Variants in KCNIP4 observed in about 807,000 individuals in gnomAD.
KCNIP4 encodes the protein Kv channel-interacting protein 4.
Under a neutral mutation model 34.0 loss-of-function variants are expected in KCNIP4, and 12 were observed. The observed-to-expected ratio is 0.35, with a 90% CI of 0.23 to 0.57. KCNIP4 has a LOEUF of 0.57. Among genes scored for constraint, KCNIP4 ranks in the 20% least tolerant of loss-of-function variants. The pLI, the probability that KCNIP4 is intolerant of heterozygous loss-of-function variation, is 0.83. For missense variants in KCNIP4, 238 were observed against 311.7 expected, an observed-to-expected ratio of 0.76 and a Z score of 1.78; for synonymous variants, 124 against 102.2, an observed-to-expected ratio of 1.21 and a Z score of -1.29.
chr4:20,905,468 A>G (rs1232952126), intron 1 of KCNIP4, among the ~76,000 whole-genome samples: 1 of 132,710 alleles, frequency 7.5e-6, no homozygotes, highest in East Asian at 2.3e-4. Context: ...TTAAAATATT[A>G]TTGGTATTTA....
Position 20,729,306 on chromosome 4 carries a change from C to A in KCNIP4, c.*776G>T, listed in dbSNP as rs189146202. The A allele has an allele frequency of 1.3e-3, 193 of 151,818 alleles. No homozygotes were observed. The highest frequency in any genetic ancestry group is 1.9e-3 in the Non-Finnish European group (126 of 67,990). 9.4% of individuals were successfully genotyped at this position (151,818 alleles called of 1,614,324 possible). ...TTTTGTTTGATGCCTTCTTCAACTT[C>A]CACTTAATGATTGATACTAATGATT... is the stretch of plus-strand genomic sequence containing the variant. On this transcript the variant is annotated 3_prime_UTR_variant, in exon 9 of 9. Coordinates refer to ENST00000382152, the MANE Select transcript of KCNIP4 (RefSeq NM_025221.6).
At chr4:20,934,752 G>A (rs898174423) in intron 1 of KCNIP4, among the ~76,000 whole-genome samples, 13 of 152,246 alleles carry the variant, frequency 8.5e-5, no homozygotes, top group Middle Eastern at 3.4e-3. Context: ...GTGCTATGTA[G>A]AAAAATAAAG....
chr4:21,108,593 C>A (rs1748815529), intron 1 of KCNIP4, among the ~76,000 whole-genome samples: 1 of 151,824 alleles, frequency 6.6e-6, no homozygotes, highest in South Asian at 2.1e-4. Flanking sequence ...CATCTTCTCT[C>A]AACTTATCAA....
chr4:21,275,969 A>G (rs944256799), intron 1 of KCNIP4, among the ~76,000 whole-genome samples: 2 of 152,102 alleles, frequency 1.3e-5, no homozygotes, highest in African/African-American at 4.8e-5. Flanking sequence ...AAGAATTGCA[A>G]AAAAAAACTC....
At chr4:21,577,366 A>C (rs1315284069) in intron 1 of KCNIP4, among the ~76,000 whole-genome samples, 1 of 152,028 alleles carries the variant, frequency 6.6e-6, no homozygotes, top group Non-Finnish European at 1.5e-5. Context: ...ACTGTGGCTC[A>C]CCCCTGTAAT....
intron 1 of KCNIP4, among the ~76,000 whole-genome samples, chr4:21,253,311 G>C (rs1760847181): frequency 6.6e-6 from 1 of 152,136 alleles, no homozygotes; most frequent in Admixed American, 6.5e-5. Context: ...GGTATAAAAT[G>C]TGGTACCCCC....
intron 3 of KCNIP4, among the ~76,000 whole-genome samples, chr4:20,790,353 A>G (rs531192839): frequency 3.3e-5 from 5 of 152,268 alleles, no homozygotes; most frequent in Admixed American, 3.3e-4. Context: ...TAGAATTTAT[A>G]AGTAGGCTAC....
rs1715746976 is a variant in KCNIP4 at position 21,332,408 on chromosome 4, TCCATCTCA to T, written c.62-449707_62-449700del. Reference sequence around the variant, plus strand: ...CTCCAACAGCATTCCAAGTCTCTTATCCATCTCAATGGATAAGACATGGGACCAGTTAT... The same window carrying T: ...CTCCAACAGCATTCCAAGTCTCTTATATGGATAAGACATGGGACCAGTTAT... On this transcript the variant is annotated intron_variant, in intron 1 of 8. Transcript: ENST00000382152. Among the ~76,000 whole-genome samples, 3 of 152,148 alleles carry T rather than the reference TCCATCTCA, an allele frequency of 2.0e-5. No individual in the cohort carries two copies. In the South Asian group the frequency reaches 6.2e-4, roughly 32 times the overall value.
chr4:21,767,839 C>T (rs1718526934), intron 1 of KCNIP4, among the ~76,000 whole-genome samples: 1 of 151,860 alleles, frequency 6.6e-6, no homozygotes, highest in Non-Finnish European at 1.5e-5. Flanking sequence ...CCAAACTTAC[C>T]ACCGACATAT....
chr4:21,887,527 TG>T (rs935768818), intron 1 of KCNIP4, among the ~76,000 whole-genome samples: 1 of 152,128 alleles, frequency 6.6e-6, no homozygotes, highest in African/African-American at 2.4e-5. Flanking sequence ...CCACATCACC[TG>T]GGGACAGGAT....
At chr4:21,620,416 C>A (rs575038285) in intron 1 of KCNIP4, among the ~76,000 whole-genome samples, 99 of 152,218 alleles carry the variant, frequency 6.5e-4, no homozygotes, top group African/African-American at 2.2e-3. Flanking sequence ...ATGGAAGGAT[C>A]TCTTGAGACT....
In KCNIP4 at chr4:21,483,626, A is replaced by G. The variant is rs191406578; in HGVS notation, c.61+464945T>C. Among the ~76,000 whole-genome samples, 1,199 of 151,882 alleles carry G rather than the reference A, an allele frequency of 7.9e-3. 12 individuals are homozygous for G. The highest frequency in any genetic ancestry group is 0.028 in the African/African-American group (1,154 of 41,390). ...AATATGGTGAAACCCCATCTCTACT[A>G]AAAATAAAAAAAAATTAGCCAGGTG... On this transcript the variant is annotated intron_variant, in intron 1 of 8. Transcript: ENST00000382152.
chr4:21,504,511 G>GGAAT (rs1553893862), intron 1 of KCNIP4, among the ~76,000 whole-genome samples: 5 of 141,236 alleles, frequency 3.5e-5, no homozygotes, highest in Admixed American at 7.1e-5. Context: ...AAGAAAGGAA[G>GGAAT]GAAGGAAGAA....
intron 1 of KCNIP4, among the ~76,000 whole-genome samples, chr4:21,475,336 G>A: frequency 6.6e-6 from 1 of 152,036 alleles, no homozygotes; most frequent in African/African-American, 2.4e-5. Flanking sequence ...GATGAAACTG[G>A]GGCTTAGAGA....
intron 1 of KCNIP4, among the ~76,000 whole-genome samples, chr4:21,795,148 C>A (rs994090794): frequency 6.6e-6 from 1 of 152,044 alleles, no homozygotes; most frequent in African/African-American, 2.4e-5. Context: ...ATGAGGCCAC[C>A]GGGGTGAGCA....
chr4:21,392,220 A>C (rs1279206738), intron 1 of KCNIP4, among the ~76,000 whole-genome samples: 1 of 152,194 alleles, frequency 6.6e-6, no homozygotes, highest in Non-Finnish European at 1.5e-5. Context: ...AAAACAATGC[A>C]ACCCAAATGG....
intron 1 of KCNIP4, among the ~76,000 whole-genome samples, chr4:21,327,650 C>A (rs1016971121): frequency 6.6e-6 from 1 of 152,046 alleles, no homozygotes; most frequent in Admixed American, 6.5e-5. Context: ...AGCTCTCTCT[C>A]TATATCTCCT....
chr4:21,473,572 A>G (rs1355526322), intron 1 of KCNIP4, among the ~76,000 whole-genome samples: 1 of 152,228 alleles, frequency 6.6e-6, no homozygotes, highest in Admixed American at 6.5e-5. Context: ...GGAGCTTTAC[A>G]TACATTTAAC....
At chr4:21,286,201 G>A (rs1763111274) in intron 1 of KCNIP4, among the ~76,000 whole-genome samples, 1 of 152,096 alleles carries the variant, frequency 6.6e-6, no homozygotes. Flanking sequence ...GTAGCCAAGA[G>A]GTCTGAATAC....
Sources: gnomAD v4.1 joint callset for allele counts (sites outside exome capture counted in the v4.1 genomes callset) on GRCh38, gnomAD v4.1.1 for gene constraint, MANE v1.5 for transcripts, NCBI Gene and HGNC (gene_info 2026-07-23, HGNC 2026-07-21) for gene names.